ARMH4: variants seen among roughly 807,000 people sequenced by gnomAD.
The protein encoded by ARMH4 is armadillo-like helical domain-containing protein 4.
ARMH4 carries 49 observed loss-of-function variants against 61.9 expected under a neutral mutation model. The ratio of observed to expected loss-of-function variants is 0.79; its 90% CI spans 0.63 to 1.00. The LOEUF is 1.00. ARMH4 is among the 50% of genes least tolerant of loss of function. The pLI is 0.00. For synonymous variants in ARMH4, 368 were observed against 341.5 expected (o/e 1.08, Z -0.85); for missense variants, 934 against 930.0 (o/e 1.00, Z -0.06).
chr14:58,119,866 C>G (rs546332235), intron 4 of ARMH4, among the ~76,000 whole-genome samples: 36 of 152,260 alleles, frequency 2.4e-4, no homozygotes, highest in Non-Finnish European at 4.1e-4. Flanking sequence ...CAATTTATTG[C>G]TAGTGTGGTG....
Position 58,005,169 on chromosome 14 carries a change from G to C in ARMH4, c.2135C>G (p.Ser712Cys). ...EKLKDKAGYM[S>C]GMLVPVGVGI... is the part of the protein sequence containing the mutation. ...AACCCCTACAGGCACCAGCATCCCA[G>C]ACATGTAACCAGCCTGCATAGAAAA... is the stretch of plus-strand genomic sequence containing the variant. Residue 712 changes from serine to cysteine, a missense_variant, in exon 7 of 8, where the codon TCT becomes TGT. Transcript: ENST00000267485. 1 of 1,613,876 alleles carries C rather than the reference G, an allele frequency of 6.2e-7. No homozygotes were observed. Among genetic ancestry groups the C allele is most frequent in the Non-Finnish European group, 8.5e-7 (1 of 1,179,880 alleles).
chr14:58,093,624 A>G (rs1209249618), intron 5 of ARMH4, among the ~76,000 whole-genome samples: 1 of 152,254 alleles, frequency 6.6e-6, no homozygotes, highest in Admixed American at 6.5e-5. Context: ...AAAGAAGGAA[A>G]GAGTTTCTAC....
chr14:58,072,579 G>A (rs921199882), intron 5 of ARMH4, among the ~76,000 whole-genome samples: 4 of 151,934 alleles, frequency 2.6e-5, no homozygotes, highest in Admixed American at 6.6e-5. Flanking sequence ...AAAATTAGCC[G>A]GGTGTGGTGG....
chr14:58,142,187 A>C (rs1887585992), intron 1 of ARMH4, among the ~76,000 whole-genome samples: 1 of 152,178 alleles, frequency 6.6e-6, no homozygotes, highest in Non-Finnish European at 1.5e-5. Flanking sequence ...AAAAACCTCA[A>C]CTTCATACAG....
chr14:58,088,730 G>A (rs1885461511), intron 5 of ARMH4, among the ~76,000 whole-genome samples: 2 of 151,950 alleles, frequency 1.3e-5, no homozygotes, highest in Admixed American at 6.6e-5. Context: ...GAGCTTTCCG[G>A]GAAAATTAAA....
rs567582404 is a variant in ARMH4 at position 58,088,059 on chromosome 14, A to G, written c.2089+8665T>C. Among the ~76,000 whole-genome samples, 3 of 152,276 alleles carry G rather than the reference A, an allele frequency of 2.0e-5. No homozygotes were observed. The East Asian group carries it at 5.8e-4, about 29-fold the overall frequency. ...TGAGCAGCAGGATGGAAGTCTATTC[A>G]TTTTTGGGTATTTAACCTATTTATA... On this transcript the variant is annotated intron_variant, in intron 5 of 7. Coordinates refer to ENST00000267485, the MANE Select transcript of ARMH4 (RefSeq NM_001001872.4).
In ARMH4 at chr14:58,138,520, G is replaced by A. The variant is rs371366922; in HGVS notation, c.839C>T (p.Thr280Ile). The A allele has an allele frequency of 6.5e-5, 105 of 1,614,118 alleles. No individual in the cohort carries two copies. The highest frequency in any genetic ancestry group is 2.5e-4 in the African/African-American group (19 of 74,934). Residue 280 changes from threonine (T) to isoleucine (I), a missense_variant, in exon 2 of 8, where the codon ACC (threonine) becomes ATC (isoleucine). Physicochemically the swap from Thr to Ile is moderately conservative, Grantham distance 89 (BLOSUM62 -1). Transcript: ENST00000267485. ...TKQPLETSEY[T>I]LSVEPETDSL... is the part of the protein sequence containing the mutation. ...ATCAGTTTCTGGCTCAACACTCAGG[G>A]TGTACTCGGAAGTTTCGAGTGGTTG...
At chr14:58,043,114 A>G (rs912346585) in intron 5 of ARMH4, among the ~76,000 whole-genome samples, 3 of 152,214 alleles carry the variant, frequency 2.0e-5, no homozygotes, top group African/African-American at 7.2e-5. Flanking sequence ...TGAGGCCAGC[A>G]TCATACTGAT....
chr14:58,134,947 ACT>A (rs1887256175), intron 2 of ARMH4, among the ~76,000 whole-genome samples: 1 of 134,214 alleles, frequency 7.5e-6, no homozygotes, highest in Admixed American at 7.7e-5. Flanking sequence ...ACAGAGGGAG[ACT>A]CTGTCTCAAA....
At chr14:58,088,724 T>C (rs1885461240) in intron 5 of ARMH4, among the ~76,000 whole-genome samples, 1 of 152,196 alleles carries the variant, frequency 6.6e-6, no homozygotes, top group African/African-American at 2.4e-5. Context: ...GACCATGAGC[T>C]TTCCGGGAAA....
At chr14:58,120,980 T>C (rs566666206) in intron 4 of ARMH4, among the ~76,000 whole-genome samples, 1 of 152,262 alleles carries the variant, frequency 6.6e-6, no homozygotes, top group Non-Finnish European at 1.5e-5. Flanking sequence ...ATATACAGGG[T>C]TAAATAAAAC....
intron 5 of ARMH4, among the ~76,000 whole-genome samples, chr14:58,085,206 AC>A (rs1233697835): frequency 5.9e-5 from 9 of 152,072 alleles, no homozygotes; most frequent in Non-Finnish European, 1.3e-4. Flanking sequence ...AGAGATAAGG[AC>A]CCATTTTGAC....
At position 58,152,154 on chromosome 14, in the gene ARMH4, T is replaced by TGCGGCG. The variant is rs886764437; in HGVS notation, c.-142_-137dup. The TGCGGCG allele has an allele frequency of 6.2e-6, 1 of 161,582 alleles. No individual in the cohort carries two copies. The highest frequency in any genetic ancestry group is 1.3e-5 in the Non-Finnish European group (1 of 75,742). 10.0% of individuals were successfully genotyped at this position (161,582 alleles called of 1,614,324 possible). The stretch of plus-strand genomic sequence containing the variant: ...CGCTCGGCATCCCAGCGGCGGGCCC[T>TGCGGCG]GCGGCGGCGGCGGCGGTAGCGGCGG... On this transcript the variant is annotated 5_prime_UTR_variant, in exon 1 of 8. Coordinates refer to ENST00000267485, the MANE Select transcript of ARMH4 (RefSeq NM_001001872.4).
intron 4 of ARMH4, among the ~76,000 whole-genome samples, chr14:58,105,068 A>C (rs1342136627): frequency 6.6e-6 from 1 of 152,152 alleles, no homozygotes; most frequent in African/African-American, 2.4e-5. Flanking sequence ...AATTAGTTAC[A>C]CCCAAAATAA....
chr14:58,007,007 C>A (rs549088566), intron 6 of ARMH4, among the ~76,000 whole-genome samples: 1 of 152,218 alleles, frequency 6.6e-6, no homozygotes, highest in Non-Finnish European at 1.5e-5. Context: ...CTTATAAAAA[C>A]TCTGCAATTT....
chr14:58,065,076 T>C (rs539463159), intron 5 of ARMH4, among the ~76,000 whole-genome samples: 1 of 152,254 alleles, frequency 6.6e-6, no homozygotes, highest in African/African-American at 2.4e-5. Flanking sequence ...ACCCCGTCTC[T>C]ACTAAAAATA....
intron 1 of ARMH4, among the ~76,000 whole-genome samples, chr14:58,147,316 G>GTTAT (rs1424192920): frequency 3.0e-5 from 4 of 132,538 alleles, no homozygotes; most frequent in African/African-American, 8.4e-5. Context: ...AATCCAGATG[G>GTTAT]TTTTTTTTTT....
At chr14:58,120,827 C>T (rs1244235732) in intron 4 of ARMH4, among the ~76,000 whole-genome samples, 1 of 152,168 alleles carries the variant, frequency 6.6e-6, no homozygotes, top group Non-Finnish European at 1.5e-5. Context: ...AGATTCTTTA[C>T]AGAAGCACAT....
intron 4 of ARMH4, among the ~76,000 whole-genome samples, chr14:58,105,600 T>G (rs1315503137): frequency 2.7e-5 from 4 of 149,958 alleles, no homozygotes; most frequent in Non-Finnish European, 5.9e-5. Flanking sequence ...GGCAGGAGAA[T>G]CGCTTGAACC....
Sources: allele counts gnomAD v4.1 joint callset (sites outside exome capture counted in the v4.1 genomes callset), GRCh38; gene constraint gnomAD v4.1.1; transcripts MANE v1.5; gene names NCBI Gene and HGNC (gene_info 2026-07-23, HGNC 2026-07-21).